The following HFM1 variants were observed in gnomAD, a reference collection of about 807,000 sequenced individuals.
HFM1 encodes helicase for meiosis 1.
HFM1 carries 169 observed loss-of-function variants against 192.1 expected under a neutral mutation model. The ratio of observed to expected loss-of-function variants is 0.88; its 90% confidence interval spans 0.78 to 1.00. The LOEUF (loss-of-function observed/expected upper bound fraction) is 1.00, where lower values mean the gene tolerates loss of function less well. HFM1 is among the 50% of genes least tolerant of loss of function. HFM1 has a pLI of 0.00. For synonymous variants in HFM1, 525 were observed against 537.8 expected, an observed-to-expected ratio of 0.98 and a Z score of 0.33; for missense variants, 1,661 against 1,668.0, an observed-to-expected ratio of 1.00 and a Z score of 0.07.
intron 31 of HFM1, 43 bp from the exon 32 acceptor site, chr1:91,276,786 C>A: frequency 1.0e-6 from 1 of 999,324 alleles, no homozygotes; most frequent in Non-Finnish European, 1.5e-6. Flanking sequence ...AACTTCAGAT[C>A]TTATTCTTAT....
At chr1:91,398,219 T>C (rs1293747717) in intron 2 of HFM1, among the ~76,000 whole-genome samples, 6 of 152,238 alleles carry the variant, frequency 3.9e-5, no homozygotes, top group Non-Finnish European at 8.8e-5. Flanking sequence ...ATAGCTGTAC[T>C]ATTCTGCCTC....
chr1:91,273,894 A>G, intron 33 of HFM1, 79 bp from the exon 34 acceptor site: 1 of 779,206 alleles, frequency 1.3e-6, no homozygotes, highest in East Asian at 2.7e-5. Flanking sequence ...TATTCATATA[A>G]ACAAAAATAA....
In HFM1 at chr1:91,262,561, A is replaced by C; in HGVS notation, c.4006T>G (p.Ser1336Ala). The C allele has an allele frequency of 6.2e-7, 1 of 1,604,676 alleles. No individual in the cohort carries two copies. Among genetic ancestry groups the C allele is most frequent in the Non-Finnish European group, 8.5e-7 (1 of 1,173,748 alleles). ...FVSSHEMSDI[S>A]LSNSAMPKFS... ...TTGGGCATAGCAGAATTTGATAAAG[A>C]AATATCCGACATCTCATGTGATGAA... Residue 1336 changes from serine (S) to alanine (A), a missense_variant, in exon 37 of 39, where the codon TCT becomes GCT. Transcript: ENST00000370425.
rs955679082 is a variant in HFM1 at position 91,282,276 on chromosome 1, C to T, written c.3392-5214G>A. Among the ~76,000 whole-genome samples, 3 of 152,026 alleles carry T rather than the reference C, an allele frequency of 2.0e-5. No individual in the cohort carries two copies. In the South Asian group the frequency reaches 6.2e-4, roughly 32 times the overall value. On this transcript the variant is annotated intron_variant, in intron 30 of 38. Coordinates refer to ENST00000370425, the MANE Select transcript of HFM1 (RefSeq NM_001017975.6). ...GTATTGACTTTATGTTCGAGACCTC[C>T]GGTTTTCCTTCCAAACATAATTTTT...
At chr1:91,291,522 T>C (rs1322427267) in intron 30 of HFM1, among the ~76,000 whole-genome samples, 1 of 152,158 alleles carries the variant, frequency 6.6e-6, no homozygotes, top group African/African-American at 2.4e-5. Context: ...AATCTCTGAA[T>C]AGACCAATAA....
intron 13 of HFM1, among the ~76,000 whole-genome samples, chr1:91,362,650 A>T (rs896845429): frequency 1.3e-5 from 2 of 152,206 alleles, no homozygotes; most frequent in Non-Finnish European, 2.9e-5. Flanking sequence ...TGCTGTTCCC[A>T]CTAAACTACC....
chr1:91,378,282 T>A, intron 10 of HFM1, 99 bp from the exon 11 acceptor site: 1 of 1,275,620 alleles, frequency 7.8e-7, no homozygotes, highest in Non-Finnish European at 1.1e-6. Flanking sequence ...CTTGAGAAAA[T>A]GAGCATTTTC....
intron 1 of HFM1, among the ~76,000 whole-genome samples, chr1:91,402,654 T>C (rs1474737963): frequency 2.0e-5 from 3 of 152,122 alleles, no homozygotes; most frequent in Non-Finnish European, 2.9e-5. Flanking sequence ...TAAATGAAAA[T>C]GTTAATCATG....
rs144103030 is a variant in HFM1 at position 91,345,711 on chromosome 1, A to G, written c.2254+1718T>C. Among the ~76,000 whole-genome samples the G allele has an allele frequency of 3.3e-3, 497 of 152,286 alleles. 4 individuals are homozygous for G. The highest frequency in any genetic ancestry group is 0.011 in the African/African-American group (464 of 41,552). ...CTTTCTGTGTGAAGCATGGTCATAAAGGAATTCTCTGACCTACCTTGTCTA... is the reference window on the plus strand; with the variant it reads ...CTTTCTGTGTGAAGCATGGTCATAAGGGAATTCTCTGACCTACCTTGTCTA... On this transcript the variant is annotated intron_variant, in intron 19 of 38. Coordinates refer to ENST00000370425, the MANE Select transcript of HFM1 (RefSeq NM_001017975.6).
intron 32 of HFM1, among the ~76,000 whole-genome samples, chr1:91,276,065 C>CCT (rs1276929915): frequency 1.3e-5 from 2 of 151,366 alleles, no homozygotes; most frequent in East Asian, 1.9e-4. Context: ...TTTAAAGATC[C>CCT]CTCTCTCTCT....
intron 30 of HFM1, among the ~76,000 whole-genome samples, chr1:91,291,191 T>C (rs1668704076): frequency 1.3e-5 from 2 of 151,922 alleles, no homozygotes; most frequent in South Asian, 2.1e-4. Flanking sequence ...AGTCAAGAAA[T>C]AACTAAAATC....
intron 29 of HFM1, 27 bp from the exon 30 acceptor site, chr1:91,313,522 A>ATAAACATT: frequency 6.6e-7 from 1 of 1,511,712 alleles, no homozygotes; most frequent in Non-Finnish European, 8.9e-7. Flanking sequence ...AAGTACACAA[A>ATAAACATT]TGTTTATTTG....
chr1:91,375,950 A>G (rs1297345853), intron 11 of HFM1, among the ~76,000 whole-genome samples: 2 of 151,650 alleles, frequency 1.3e-5, no homozygotes, highest in South Asian at 2.1e-4. Flanking sequence ...TCACCATGGT[A>G]AACTTCCAAT....
At chr1:91,316,025 C>T in intron 27 of HFM1, 53 bp from the exon 28 acceptor site, 1 of 1,480,520 alleles carries the variant, frequency 6.8e-7, no homozygotes, top group Non-Finnish European at 9.4e-7. Context: ...ACTTCTCATA[C>T]TCAGCTGAAG....
chr1:91,376,094 T>A (rs1660876267), intron 11 of HFM1, among the ~76,000 whole-genome samples: 1 of 152,052 alleles, frequency 6.6e-6, no homozygotes. Flanking sequence ...TCAAAATGGC[T>A]GACATCTCTT....
In HFM1 at chr1:91,305,047, C is replaced by T. The variant is rs191184223; in HGVS notation, c.3391+8302G>A. 2.2e-3 allele frequency among the ~76,000 whole-genome samples: 338 copies of T among 152,282 alleles called. 3 individuals are homozygous for T. The highest frequency in any genetic ancestry group is 7.7e-3 in the African/African-American group (318 of 41,556). On this transcript the variant is annotated intron_variant, in intron 30 of 38. Coordinates refer to ENST00000370425, the MANE Select transcript of HFM1 (RefSeq NM_001017975.6). ...CTTTATGTCTATTATTATGACAGCA[C>T]CACCTTGTCTTAATCACTGCAGCTT... is the stretch of plus-strand genomic sequence containing the variant.
At chr1:91,275,386 T>A (rs1043220452) in intron 32 of HFM1, among the ~76,000 whole-genome samples, 8 of 152,188 alleles carry the variant, frequency 5.3e-5, no homozygotes, top group Non-Finnish European at 1.0e-4. Context: ...GTCATCTACA[T>A]GTGAATGACT....
At chr1:91,303,484 A>C (rs954567485) in intron 30 of HFM1, among the ~76,000 whole-genome samples, 1 of 152,164 alleles carries the variant, frequency 6.6e-6, no homozygotes, top group African/African-American at 2.4e-5. Flanking sequence ...TTCATGTCTA[A>C]GTTTTTGTAT....
intron 30 of HFM1, among the ~76,000 whole-genome samples, chr1:91,312,092 G>A (rs977638566): frequency 1.3e-5 from 2 of 152,206 alleles, no homozygotes; most frequent in Non-Finnish European, 2.9e-5. Context: ...GAAATGCCTG[G>A]ATGCCCAGGC....
Sources: gnomAD v4.1 joint callset for allele counts (sites outside exome capture counted in the v4.1 genomes callset) on GRCh38, gnomAD v4.1.1 for gene constraint, MANE v1.5 for transcripts, NCBI Gene and HGNC (gene_info 2026-07-23, HGNC 2026-07-21) for gene names.